The following MYH8 variants were observed in gnomAD, a reference collection of about 807,000 sequenced individuals.
MYH8 encodes the protein myosin heavy chain 8.
A neutral mutation model predicts 233.2 loss-of-function variants in MYH8; 168 were observed. That is an observed-to-expected ratio of 0.72 (90% CI 0.64 to 0.82). MYH8 has a LOEUF of 0.82. Ranked by LOEUF, MYH8 falls within the 40% of genes least tolerant of loss-of-function variation. The pLI is 0.00. For synonymous variants in MYH8, 785 were observed against 850.6 expected, an observed-to-expected ratio of 0.92 and a Z score of 1.34; for missense variants, 1,995 against 2,327.8, an observed-to-expected ratio of 0.86 and a Z score of 2.94.
chr17:10,401,377 G>A lies in MYH8; in HGVS notation c.3006C>T (p.Leu1002=). 1 of 1,614,004 alleles carries A rather than the reference G, an allele frequency of 6.2e-7. No homozygotes were observed. Among genetic ancestry groups the A allele is most frequent in the Non-Finnish European group, 8.5e-7 (1 of 1,180,012 alleles). ...IAKLSKEKKA[L]QETHQQTLDD... is the part of the protein sequence containing the mutation. ...CCAGGGTCTGCTGGTGGGTCTCTTG[G>A]AGAGCCTTCTTCTCCTTGGACAGTT... is the stretch of plus-strand genomic sequence containing the variant. The change falls in exon 24 of 40, where the codon CTC becomes CTT. Residue 1002 remains leucine, a synonymous_variant. Transcript: ENST00000403437.
chr17:10,411,794 A>G (rs1454006108), intron 14 of MYH8, among the ~76,000 whole-genome samples: 1 of 152,214 alleles, frequency 6.6e-6, no homozygotes. Flanking sequence ...GTGTGAAAGC[A>G]GGGACCTGAT....
Position 10,418,810 on chromosome 17 carries a change from A to G in MYH8, c.355-9T>C, listed in dbSNP as rs776667568. ...AAGAGGCCTGAGTAGGTCTGGGAAG[A>G]TCAGAACATTTATCATTTGGATCTC... On this transcript the variant is annotated splice_polypyrimidine_tract_variant and intron_variant, in intron 4 of 39. Transcript: ENST00000403437. 6.8e-6 allele frequency: 11 copies of G among 1,613,770 alleles called. No individual in the cohort carries two copies. The Admixed American group carries it at 1.8e-4, about 27-fold the overall frequency.
chr17:10,404,250 G>C, intron 22 of MYH8, 80 bp downstream of exon 22: 1 of 1,568,886 alleles, frequency 6.4e-7, no homozygotes, highest in Non-Finnish European at 8.7e-7. Context: ...TTCAAGTAGA[G>C]ATCATTTGTA....
chr17:10,398,461 C>T lies in MYH8; in HGVS notation c.4161G>A (p.Glu1387=), dbSNP rs753810479. The change falls in exon 30 of 40, where the codon GAG becomes GAA. Residue 1387 remains glutamate, a synonymous_variant. Coordinates refer to ENST00000403437, the MANE Select transcript of MYH8 (RefSeq NM_002472.3). ...GCACATACTTGGCCTCCTCCAGCTC[C>T]TCTGTGCGCTGGATGGCATCCGTCT... ...KYETDAIQRT[E]ELEEAKKKLA... The T allele has an allele frequency of 6.2e-7, 1 of 1,613,910 alleles. No individual in the cohort carries two copies. The highest frequency in any genetic ancestry group is 2.2e-5 in the East Asian group (1 of 44,882).
chr17:10,400,422 T>C lies in MYH8; in HGVS notation c.3703A>G (p.Ser1235Gly), dbSNP rs199962930. Residue 1235 changes from serine (S) to glycine (G), a missense_variant, in exon 27 of 40, where the codon AGC becomes GGC. By Grantham distance (56) the Ser-to-Gly change is moderately conservative. Coordinates refer to ENST00000403437, the MANE Select transcript of MYH8 (RefSeq NM_002472.3). The surrounding 1 kb of genome is among the most constrained non-coding windows in gnomAD (Gnocchi z 4.0). ...TTGGAAATGGCCTCTGCGTTACTGC[T>C]GAGGTCATCAGTCTCCATCTTCAGC... ...SELKMETDDL[S>G]SNAEAISKAK... 32 of 1,613,818 alleles carry C rather than the reference T, an allele frequency of 2.0e-5. No individual in the cohort carries two copies. The highest frequency in any genetic ancestry group is 8.3e-5 in the Admixed American group (5 of 60,000).
chr17:10,406,640 T>C, intron 19 of MYH8, 50 bp downstream of exon 19: 1 of 1,521,634 alleles, frequency 6.6e-7, no homozygotes. Flanking sequence ...CTTAATTTTT[T>C]AATACATACT....
At chr17:10,392,065 A>T in intron 38 of MYH8, 88 bp from the exon 39 acceptor site, 1 of 1,091,742 alleles carries the variant, frequency 9.2e-7, no homozygotes, top group Non-Finnish European at 1.4e-6. Context: ...GCATGATGGC[A>T]GGTGGGCCTG....
chr17:10,391,509 G>C (rs1003617054), intron 39 of MYH8, among the ~76,000 whole-genome samples: 3 of 152,016 alleles, frequency 2.0e-5, no homozygotes, highest in African/African-American at 7.2e-5. Context: ...GTGAAGCCCT[G>C]TCTGTACTAA....
At chr17:10,421,388 T>TG (rs1397125673) in intron 2 of MYH8, among the ~76,000 whole-genome samples, 1 of 152,216 alleles carries the variant, frequency 6.6e-6, no homozygotes, top group Non-Finnish European at 1.5e-5. Flanking sequence ...ACTAGTCTAT[T>TG]GCCACTGGAC....
chr17:10,410,091 C>G (rs1400067741), intron 15 of MYH8, among the ~76,000 whole-genome samples: 3 of 152,152 alleles, frequency 2.0e-5, no homozygotes, highest in Admixed American at 2.0e-4. Context: ...ATCACTTGAA[C>G]TCAGGAGTTC....
At position 10,390,440 on chromosome 17, in the gene MYH8, T is replaced by C; in HGVS notation, c.*14A>G. On this transcript the variant is annotated 3_prime_UTR_variant, in exon 40 of 40. Transcript: ENST00000403437. ...GCCTTTCTTCAGCCTCTTGATAGCA[T>C]CAGGCAGGTGTGTTTACTCTGCACT... 3 of 1,612,926 alleles carry C rather than the reference T, an allele frequency of 1.9e-6. No homozygotes were observed. Among genetic ancestry groups the C allele is most frequent in the South Asian group, 2.2e-5 (2 of 91,030 alleles).
intron 12 of MYH8, 126 bp from the exon 13 acceptor site, chr17:10,412,854 A>G (rs939276190): frequency 1.0e-6 from 1 of 969,680 alleles, no homozygotes; most frequent in East Asian, 2.6e-5. Context: ...TAAAAGGCCA[A>G]ATGAGGTTTT....
Position 10,415,819 on chromosome 17 carries a change from C to G in MYH8, c.512-111G>C. ...TCTTTTTAACTTTTTGAAGATGTCA[C>G]CTTTGGTTTTGATTTTGTGTTTATC... On this transcript the variant is annotated intron_variant, in intron 5 of 39. Transcript: ENST00000403437. The surrounding 1 kb of genome is among the most constrained non-coding windows in gnomAD (Gnocchi z 4.1). 1 of 1,295,514 alleles carries G rather than the reference C, an allele frequency of 7.7e-7. No homozygotes were observed. Among genetic ancestry groups the G allele is most frequent in the East Asian group, 2.5e-5 (1 of 39,648 alleles). 80.3% of individuals were successfully genotyped at this position (1,295,514 alleles called of 1,614,324 possible).
Position 10,415,418 on chromosome 17 carries a change from C to G in MYH8, c.649-34G>C. 6.2e-7 allele frequency: 1 copy of G among 1,611,144 alleles called. No individual in the cohort carries two copies. Among genetic ancestry groups the G allele is most frequent in the Non-Finnish European group, 8.5e-7 (1 of 1,177,298 alleles). ...GAAGGAGCAGTTCTCACATCTGGGA[C>G]TCCAGATGTCTGAGAGCCTTGACAG... On this transcript the variant is annotated intron_variant, in intron 7 of 39. Transcript: ENST00000403437. The surrounding 1 kb of genome is among the most constrained non-coding windows in gnomAD (Gnocchi z 4.1).
chr17:10,412,926 T>A (rs2072257336), intron 12 of MYH8, among the ~76,000 whole-genome samples, 198 bp from the exon 13 acceptor site: 1 of 152,246 alleles, frequency 6.6e-6, no homozygotes, highest in Non-Finnish European at 1.5e-5. Flanking sequence ...CTTTAGTGAT[T>A]TATTTCAAGT....
chr17:10,407,663 A>G (rs1199448557), intron 17 of MYH8, among the ~76,000 whole-genome samples: 8 of 151,888 alleles, frequency 5.3e-5, no homozygotes, highest in African/African-American at 1.9e-4. Flanking sequence ...ACGTAGTGAA[A>G]CCCCATCTCT....
intron 5 of MYH8, among the ~76,000 whole-genome samples, chr17:10,416,317 G>GC (rs929685590): frequency 6.6e-6 from 1 of 152,066 alleles, no homozygotes; most frequent in Non-Finnish European, 1.5e-5. Context: ...ATATCTTATT[G>GC]CATGTATATA....
intron 9 of MYH8, 147 bp downstream of exon 9, chr17:10,414,969 A>G (rs2072276188): frequency 3.9e-6 from 3 of 777,158 alleles, no homozygotes; most frequent in Non-Finnish European, 6.9e-6. Context: ...TCAGTGGATT[A>G]TGGGTAAGCC....
In MYH8 at chr17:10,414,032, A is replaced by G. The variant is rs551323159; in HGVS notation, c.1017T>C (p.Ile339=). The G allele has an allele frequency of 5.0e-6, 8 of 1,614,146 alleles. No homozygotes were observed. In the African/African-American group the frequency reaches 6.7e-5, roughly 13 times the overall value. Residue 339 remains isoleucine (I), a synonymous_variant, in exon 12 of 40, where the codon ATT becomes ATC. Coordinates refer to ENST00000403437, the MANE Select transcript of MYH8 (RefSeq NM_002472.3). ...QEELMATDSA[I]DILGFTPEEK... ...CTTCAGGAGTGAAGCCCAGGATGTC[A>G]ATGGCACTCTACCAGGAAAAATGAG...
Sources: gnomAD v4.1 joint callset for allele counts (sites outside exome capture counted in the v4.1 genomes callset) on GRCh38, gnomAD v4.1.1 for gene constraint, Gnocchi (gnomAD v3.1) non-coding constraint, MANE v1.5 for transcripts, NCBI Gene and HGNC (gene_info 2026-07-23, HGNC 2026-07-21) for gene names.